The following BRF1 variants were observed in gnomAD, a reference collection of about 807,000 sequenced individuals.
BRF1 encodes the protein transcription factor IIIB 90 kDa subunit.
Under a neutral mutation model 81.7 loss-of-function variants are expected in BRF1, and 59 were observed. The ratio of observed to expected loss-of-function variants is 0.72; its 90% CI spans 0.59 to 0.90. BRF1 has a LOEUF of 0.90. Among genes scored for constraint, BRF1 ranks in the 40% least tolerant of loss-of-function variants. BRF1 has a pLI of 0.00. For missense variants in BRF1, 1,050 were observed against 936.3 expected (o/e 1.12, Z -1.58); for synonymous variants, 491 against 395.6 (o/e 1.24, Z -2.86).
intron 15 of BRF1, among the ~76,000 whole-genome samples, chr14:105,214,495 C>T (rs1457497475): frequency 4.2e-5 from 2 of 48,040 alleles, no homozygotes; most frequent in Non-Finnish European, 8.1e-5. Flanking sequence ...CTGCCCACAC[C>T]CCTGCATGGC....
At chr14:105,302,928 G>A (rs141869986), upstream of BRF1, among the ~76,000 whole-genome samples, 561 of 148,264 alleles carry the variant, frequency 3.8e-3, 1 homozygote, top group African/African-American at 0.013. Flanking sequence ...ACTGCTCCCC[G>A]CCCTTTCTCT....
At chr14:105,261,850 G>A (rs1023792377) in intron 3 of BRF1, among the ~76,000 whole-genome samples, 1 of 152,218 alleles carries the variant, frequency 6.6e-6, no homozygotes, top group Non-Finnish European at 1.5e-5. Flanking sequence ...ACCAAGGAGC[G>A]AAACCCACAC....
intron 2 of BRF1, among the ~76,000 whole-genome samples, chr14:105,281,815 G>A (rs1178756494): frequency 6.6e-6 from 1 of 151,690 alleles, no homozygotes; most frequent in African/African-American, 2.4e-5. Flanking sequence ...TGAAGCCAGT[G>A]GGCAGCAGGT....
chr14:105,282,357 T>C (rs1385587849), intron 2 of BRF1, among the ~76,000 whole-genome samples: 2 of 152,018 alleles, frequency 1.3e-5, no homozygotes, highest in Admixed American at 6.6e-5. Flanking sequence ...GCAGGAAGGG[T>C]GGCCCGTGAG....
intron 15 of BRF1, among the ~76,000 whole-genome samples, chr14:105,215,041 A>G (rs2141387428): frequency 6.6e-6 from 1 of 152,186 alleles, no homozygotes; most frequent in East Asian, 1.9e-4. Context: ...CCCAGCCCTG[A>G]GGTCTTCATG....
intron 1 of BRF1, among the ~76,000 whole-genome samples, chr14:105,307,622 G>A (rs1483307640): frequency 6.6e-6 from 1 of 152,182 alleles, no homozygotes; most frequent in Admixed American, 6.5e-5. Context: ...CCATGCAGCA[G>A]TCAGCAGGGG....
At chr14:105,248,663 G>A in intron 5 of BRF1, 10 of 981,246 alleles carry the variant, frequency 1.0e-5, no homozygotes, top group Non-Finnish European at 1.2e-5. Flanking sequence ...GGGCGGGGGT[G>A]GCAGGGGAGC....
chr14:105,247,209 T>C (rs1269407287), intron 5 of BRF1: 8 of 985,300 alleles, frequency 8.1e-6, no homozygotes, highest in African/African-American at 1.7e-5. Context: ...TCCACACACT[T>C]TCTCTCGGAA....
In BRF1 at chr14:105,309,831, G is replaced by A. The variant is rs1407357478; in HGVS notation, c.-162+5491C>T. 1.4e-5 allele frequency among the ~76,000 whole-genome samples: 2 copies of A among 145,314 alleles called. No homozygotes were observed. Among genetic ancestry groups the A allele is most frequent in the Non-Finnish European group, 3.0e-5 (2 of 67,276 alleles). ...GACGGAGTCTCACTCTCTTGCCCAGGCAGGAGTGCAGTGGCACAATCTCGG... is the reference window on the plus strand; with the variant it reads ...GACGGAGTCTCACTCTCTTGCCCAGACAGGAGTGCAGTGGCACAATCTCGG... On this transcript the variant is annotated intron_variant, in intron 1 of 17. Coordinates refer to the BRF1 transcript ENST00000327359. This position sits in a 1 kb window ranked among gnomAD's most constrained non-coding sequence, Gnocchi z 4.0.
intron 12 of BRF1, chr14:105,219,460 C>T: frequency 3.2e-6 from 3 of 927,508 alleles, no homozygotes; most frequent in South Asian, 3.8e-5. Context: ...ATGTGTGAGA[C>T]CCCCTAGGGC....
intron 5 of BRF1, chr14:105,250,858 C>T (rs990503340): frequency 1.2e-5 from 8 of 666,576 alleles, no homozygotes; most frequent in Non-Finnish European, 1.8e-5. Flanking sequence ...TCTTAGGCAT[C>T]TCTGGTACAG....
chr14:105,242,007 G>T (rs967860983), intron 5 of BRF1: 1 of 155,904 alleles, frequency 6.4e-6, no homozygotes, highest in Admixed American at 6.1e-5. Flanking sequence ...GGCCCTGAGC[G>T]ACTGCATGGA....
Position 105,217,389 on chromosome 14 carries a change from G to C in BRF1, c.1772+155C>G, listed in dbSNP as rs145158161. On this transcript the variant is annotated intron_variant, in intron 15 of 17. Transcript: ENST00000547530. Reference sequence around the variant, plus strand: ...GTTGAGACACTGTCAAGGTGCCGGAGAAGGCCCACCAGTCCCCAGCATGCA... The same window carrying C: ...GTTGAGACACTGTCAAGGTGCCGGACAAGGCCCACCAGTCCCCAGCATGCA... 2.9e-4 allele frequency: 359 copies of C among 1,222,630 alleles called. 8 individuals are homozygous for C. The East Asian group carries it at 8.9e-3, about 30-fold the overall frequency. 75.7% of individuals were successfully genotyped at this position (1,222,630 alleles called of 1,614,324 possible). A position where few individuals can be genotyped will look rare whatever the true frequency, so the allele number is the denominator to read the frequency against.
Position 105,300,772 on chromosome 14 carries a change from C to T in BRF1, c.-143G>A, listed in dbSNP as rs1300016773. ...AGGCCCCGCTCCAGCCGATTCGCAG[C>T]CGCAGATTCGCCGCGCGCGCCCGGG... On this transcript the variant is annotated 5_prime_UTR_variant, in exon 1 of 18. Coordinates refer to ENST00000547530, the MANE Select transcript of BRF1 (RefSeq NM_001519.4). 17 of 590,490 alleles carry T rather than the reference C, an allele frequency of 2.9e-5. No homozygotes were observed. The highest frequency in any genetic ancestry group is 4.0e-5 in the Non-Finnish European group (17 of 429,222). 36.6% of individuals were successfully genotyped at this position (590,490 alleles called of 1,614,324 possible). A position where few individuals can be genotyped will look rare whatever the true frequency, so the allele number is the denominator to read the frequency against.
intron 7 of BRF1, chr14:105,228,132 G>A (rs1413753529): frequency 6.6e-6 from 1 of 152,218 alleles, no homozygotes; most frequent in African/African-American, 2.4e-5. Context: ...CACTGGGACA[G>A]GGGTCACCTG....
At chr14:105,305,779 C>T (rs1256066143), upstream of BRF1, among the ~76,000 whole-genome samples, 2 of 152,234 alleles carry the variant, frequency 1.3e-5, no homozygotes, top group East Asian at 3.9e-4. Flanking sequence ...CTCAAAGAGT[C>T]AAGCAAGGGC....
At chr14:105,214,977 G>A (rs1042616871) in intron 15 of BRF1, among the ~76,000 whole-genome samples, 4 of 152,172 alleles carry the variant, frequency 2.6e-5, no homozygotes, top group Admixed American at 1.3e-4. Context: ...CCCCTGCCCC[G>A]CTGGAACTGC....
intron 1 of BRF1, among the ~76,000 whole-genome samples, chr14:105,293,953 C>A (rs1211152507): frequency 6.6e-6 from 1 of 152,204 alleles, no homozygotes; most frequent in Admixed American, 6.5e-5. Flanking sequence ...AACGACAGCT[C>A]AGAGAGAAAG....
At chr14:105,223,188 C>T (rs933511223) in intron 10 of BRF1, among the ~76,000 whole-genome samples, 3 of 152,130 alleles carry the variant, frequency 2.0e-5, no homozygotes, top group Non-Finnish European at 4.4e-5. Flanking sequence ...GTAAGACCGT[C>T]TCAAAAACAA....
Sources: gnomAD v4.1 joint callset for allele counts (sites outside exome capture counted in the v4.1 genomes callset) on GRCh38, gnomAD v4.1.1 for gene constraint, Gnocchi (gnomAD v3.1) non-coding constraint, MANE v1.5 for transcripts, NCBI Gene and HGNC (gene_info 2026-07-23, HGNC 2026-07-21) for gene names.